Variants in CCDC171 observed in about 807,000 individuals in gnomAD.
CCDC171 encodes coiled-coil domain containing 171, also known as coiled-coil domain-containing protein 171.
In CCDC171, 177 loss-of-function variants were observed where a neutral mutation model predicts 168.2. That is an observed-to-expected ratio of 1.05 (90% CI 0.93 to 1.19). CCDC171 has a LOEUF of 1.19. Ranked by LOEUF, CCDC171 falls within the 50% of genes most tolerant of loss-of-function variation. The pLI is 0.00. For synonymous variants in CCDC171, 687 were observed against 540.8 expected (o/e 1.27, Z -3.75); for missense variants, 1,991 against 1,539.0 (o/e 1.29, Z -4.91).
At chr9:15,622,785 C>G (rs1475912344) in intron 6 of CCDC171, among the ~76,000 whole-genome samples, 2 of 152,098 alleles carry the variant, frequency 1.3e-5, no homozygotes, top group Non-Finnish European at 2.9e-5. Context: ...GGAAATGAAA[C>G]ACAGCCATCT....
intron 21 of CCDC171, among the ~76,000 whole-genome samples, chr9:15,786,300 T>C (rs1279802503): frequency 1.3e-5 from 2 of 152,136 alleles, no homozygotes; most frequent in Admixed American, 1.3e-4. Context: ...CCAACCGATA[T>C]GACTGTGAAT....
chr9:15,950,925 G>A (rs1829079350), intron 25 of CCDC171, among the ~76,000 whole-genome samples: 1 of 151,522 alleles, frequency 6.6e-6, no homozygotes, highest in Non-Finnish European at 1.5e-5. Context: ...AAGGATGGAG[G>A]AAGATCTACC....
chr9:15,950,196 C>G (rs1356117853), intron 25 of CCDC171, among the ~76,000 whole-genome samples: 2 of 152,072 alleles, frequency 1.3e-5, no homozygotes, highest in Admixed American at 6.6e-5. Context: ...GTTGGAAACA[C>G]TCTGCAGGAT....
chr9:15,720,544 G>A (rs193223045), intron 11 of CCDC171, among the ~76,000 whole-genome samples: 12 of 152,094 alleles, frequency 7.9e-5, no homozygotes, highest in Admixed American at 3.3e-4. Context: ...AATCCGTTTC[G>A]TGTATATTGA....
At chr9:15,861,573 C>T (rs770190) in intron 23 of CCDC171, among the ~76,000 whole-genome samples, 130,614 of 151,812 alleles carry the variant, frequency 0.86, 56,291 homozygotes, top group East Asian at 0.99. Context: ...ATATAAAATA[C>T]GGTTATGACA....
intron 21 of CCDC171, among the ~76,000 whole-genome samples, chr9:15,805,163 G>C (rs186149742): frequency 1.3e-5 from 2 of 151,828 alleles, no homozygotes; most frequent in African/African-American, 4.8e-5. Flanking sequence ...CTACCTAGTA[G>C]TCTGTTTTAT....
intron 18 of CCDC171, among the ~76,000 whole-genome samples, chr9:15,756,792 T>G (rs1194820111): frequency 2.0e-5 from 3 of 152,194 alleles, no homozygotes; most frequent in African/African-American, 4.8e-5. Context: ...GGGGGTGGTT[T>G]CCCACATACT....
chr9:15,781,600 A>G (rs937248711), intron 20 of CCDC171, among the ~76,000 whole-genome samples: 6 of 151,962 alleles, frequency 3.9e-5, no homozygotes, highest in Non-Finnish European at 5.9e-5. Flanking sequence ...TTTAGTAGAG[A>G]CAGGGTTTCA....
chr9:15,888,830 G>T (rs1171645756), intron 24 of CCDC171, among the ~76,000 whole-genome samples: 1 of 151,752 alleles, frequency 6.6e-6, no homozygotes, highest in Non-Finnish European at 1.5e-5. Flanking sequence ...AACCTGACCT[G>T]CCCTAATTTT....
chr9:15,674,637 C>T (rs2049381213), intron 9 of CCDC171, among the ~76,000 whole-genome samples: 1 of 152,130 alleles, frequency 6.6e-6, no homozygotes, highest in Non-Finnish European at 1.5e-5. Context: ...CATTTAGGAG[C>T]AGGTTGTTCA....
intron 25 of CCDC171, among the ~76,000 whole-genome samples, chr9:15,931,456 C>CTTTTTTTTT (rs57124025): frequency 6.3e-3 from 285 of 44,928 alleles, no homozygotes; most frequent in Non-Finnish European, 9.0e-3. Flanking sequence ...TTCTTTCTTT[C>CTTTTTTTTT]TTTTTTTTTT....
intron 1 of CCDC171, among the ~76,000 whole-genome samples, chr9:16,048,710 C>T (rs1413820080): frequency 7.3e-5 from 11 of 151,244 alleles, no homozygotes; most frequent in Non-Finnish European, 1.0e-4. Context: ...AGGCAGAACA[C>T]CCGGCTTTAA....
At chr9:15,827,687 A>C (rs9407650) in intron 21 of CCDC171, among the ~76,000 whole-genome samples, 67,351 of 151,910 alleles carry the variant, frequency 0.44, 15,119 homozygotes, top group African/African-American at 0.47. Context: ...CTAATTTTGC[A>C]TCTTTGTCCT....
At chr9:15,965,097 C>A (rs1018324809) in intron 25 of CCDC171, among the ~76,000 whole-genome samples, 1 of 152,222 alleles carries the variant, frequency 6.6e-6, no homozygotes, top group East Asian at 1.9e-4. Flanking sequence ...ACCTCAGTGC[C>A]TCATTTTGTC....
intron 24 of CCDC171, among the ~76,000 whole-genome samples, chr9:15,888,633 C>T (rs1305766148): frequency 2.6e-5 from 4 of 152,060 alleles, no homozygotes; most frequent in Admixed American, 6.6e-5. Context: ...AGAATTGTTT[C>T]GCTTATTATA....
chr9:15,953,577 C>A (rs2225182), intron 25 of CCDC171, among the ~76,000 whole-genome samples: 47,067 of 152,020 alleles, frequency 0.31, 9,062 homozygotes, highest in East Asian at 0.61. Context: ...AATTCAGTTG[C>A]TTGTATTTTG....
At chr9:15,921,304 A>G (rs1453574836) in intron 25 of CCDC171, among the ~76,000 whole-genome samples, 1 of 151,722 alleles carries the variant, frequency 6.6e-6, no homozygotes, top group Non-Finnish European at 1.5e-5. Flanking sequence ...CAGCGTCCAA[A>G]TAAATCCTTT....
At chr9:15,855,422 C>T (rs2061313170) in intron 23 of CCDC171, among the ~76,000 whole-genome samples, 1 of 151,768 alleles carries the variant, frequency 6.6e-6, no homozygotes, top group African/African-American at 2.4e-5. Context: ...CACTTTTAAC[C>T]TATTGGTGTC....
intron 11 of CCDC171, among the ~76,000 whole-genome samples, chr9:15,702,959 A>G (rs1441339259): frequency 6.7e-6 from 1 of 149,120 alleles, no homozygotes; most frequent in East Asian, 2.0e-4. Context: ...GCTGGAGTGC[A>G]GTGGCGCGAT....
Sources: allele counts gnomAD v4.1 joint callset (sites outside exome capture counted in the v4.1 genomes callset), GRCh38; gene constraint gnomAD v4.1.1; transcripts MANE v1.5; gene names NCBI Gene and HGNC (gene_info 2026-07-23, HGNC 2026-07-21).